The following WDPCP variants were observed in gnomAD, a reference collection of about 807,000 sequenced individuals.
The protein encoded by WDPCP is WD repeat containing planar cell polarity effector.
In WDPCP, 71 loss-of-function variants were observed where a neutral mutation model predicts 93.1. The observed-to-expected ratio is 0.76, with a 90% confidence interval of 0.63 to 0.93. The LOEUF is 0.93. Ranked by LOEUF, WDPCP falls within the 40% of genes least tolerant of loss-of-function variation. The pLI, the probability that WDPCP is intolerant of heterozygous loss-of-function variation, is 0.00. For synonymous variants in WDPCP, 315 were observed against 315.0 expected, an observed-to-expected ratio of 1.00 and a Z score of 0.00; for missense variants, 844 against 887.4, an observed-to-expected ratio of 0.95 and a Z score of 0.62.
chr2:63,533,538 A>G (rs1704028328), intron 1 of WDPCP, among the ~76,000 whole-genome samples: 1 of 152,212 alleles, frequency 6.6e-6, no homozygotes, highest in African/African-American at 2.4e-5. Flanking sequence ...ATCAAATTAG[A>G]ACTCAGGATT....
intron 17 of WDPCP, among the ~76,000 whole-genome samples, chr2:63,126,104 T>C (rs1669883767): frequency 2.0e-5 from 3 of 151,766 alleles, no homozygotes; most frequent in Non-Finnish European, 4.4e-5. Flanking sequence ...CAGGCTATTT[T>C]TGTATTTTTT....
At chr2:63,359,197 A>G (rs1345947112) in intron 12 of WDPCP, among the ~76,000 whole-genome samples, 2 of 152,020 alleles carry the variant, frequency 1.3e-5, no homozygotes, top group Non-Finnish European at 2.9e-5. Context: ...CAATCACAAC[A>G]TTCTAGTTCC....
rs146873617 is a variant in WDPCP, at chr2:63,326,915, C to T, written c.1749-13604G>A. On this transcript the variant is annotated intron_variant, in intron 12 of 17. Coordinates refer to ENST00000272321, the MANE Select transcript of WDPCP (RefSeq NM_015910.7). ...ATAATTGAAGGTCTTCTCTGTAACC[C>T]TGTAACAACACTCCAATACCACCTT... Among the ~76,000 whole-genome samples, 448 of 152,326 alleles carry T rather than the reference C, an allele frequency of 2.9e-3. 1 individual carries two copies. The highest frequency in any genetic ancestry group is 4.9e-3 in the Non-Finnish European group (334 of 68,036).
At chr2:63,206,746 T>A (rs186170973) in intron 14 of WDPCP, among the ~76,000 whole-genome samples, 23 of 152,286 alleles carry the variant, frequency 1.5e-4, no homozygotes, top group African/African-American at 5.1e-4. Context: ...TATATTTTTA[T>A]TTGTTTTGGG....
chr2:63,683,502 T>C (rs549735643), intron 2 of WDPCP, among the ~76,000 whole-genome samples: 1 of 152,216 alleles, frequency 6.6e-6, no homozygotes, highest in African/African-American at 2.4e-5. Flanking sequence ...TCACATTATA[T>C]TTATCATAAT....
chr2:63,551,993 A>G (rs1244164258), intron 1 of WDPCP, among the ~76,000 whole-genome samples: 2 of 128,524 alleles, frequency 1.6e-5, no homozygotes, highest in African/African-American at 6.2e-5. Context: ...GGGTCTCACT[A>G]TGTTGCCCAG....
chr2:63,753,335 G>A (rs1669910828), intron 2 of WDPCP, among the ~76,000 whole-genome samples: 1 of 152,076 alleles, frequency 6.6e-6, no homozygotes, highest in African/African-American at 2.4e-5. Context: ...AGGCTGAGGT[G>A]GAAGGATCAC....
chr2:63,491,322 CTGTT>C (rs1319858456), intron 2 of WDPCP, among the ~76,000 whole-genome samples: 11 of 152,100 alleles, frequency 7.2e-5, no homozygotes, highest in African/African-American at 2.4e-4. Flanking sequence ...CCTTAGTTCT[CTGTT>C]TGTATTTACA....
chr2:63,167,051 T>C (rs1241420451), intron 15 of WDPCP, among the ~76,000 whole-genome samples: 1 of 152,242 alleles, frequency 6.6e-6, no homozygotes, highest in African/African-American at 2.4e-5. Context: ...ATGTGAAGTT[T>C]GTCATTCTGT....
intron 2 of WDPCP, among the ~76,000 whole-genome samples, chr2:63,763,843 C>T (rs1016734501): frequency 2.6e-5 from 4 of 152,178 alleles, no homozygotes; most frequent in Middle Eastern, 6.8e-3. Flanking sequence ...ATCCAGCTGG[C>T]TTCAAACGGT....
chr2:63,386,019 T>C (rs1411506705), intron 10 of WDPCP, among the ~76,000 whole-genome samples: 2 of 152,022 alleles, frequency 1.3e-5, no homozygotes, highest in Non-Finnish European at 2.9e-5. Context: ...AATAAATATT[T>C]ATATTAAAAA....
chr2:63,494,437 A>T (rs1701093959), intron 1 of WDPCP, among the ~76,000 whole-genome samples: 1 of 152,142 alleles, frequency 6.6e-6, no homozygotes, highest in African/African-American at 2.4e-5. Flanking sequence ...CTACTCTTTG[A>T]GGTAATACCA....
At chr2:63,779,174 C>G (rs867853307) in intron 2 of WDPCP, among the ~76,000 whole-genome samples, 1 of 152,146 alleles carries the variant, frequency 6.6e-6, no homozygotes, top group African/African-American at 2.4e-5. Flanking sequence ...AGGTTCAAAA[C>G]TAAGCAACAA....
chr2:63,511,642 T>C (rs184047562), intron 1 of WDPCP, among the ~76,000 whole-genome samples: 2 of 152,286 alleles, frequency 1.3e-5, no homozygotes, highest in Middle Eastern at 3.4e-3. Flanking sequence ...AAACAAGCAA[T>C]GGGGAAAGGA....
intron 2 of WDPCP, among the ~76,000 whole-genome samples, chr2:63,491,042 C>CT (rs1401713989): frequency 6.6e-6 from 1 of 152,060 alleles, no homozygotes; most frequent in East Asian, 1.9e-4. Flanking sequence ...TTTGGGATTT[C>CT]TTTTTTCTAT....
intron 6 of WDPCP, among the ~76,000 whole-genome samples, chr2:63,462,079 A>G (rs1307432021): frequency 1.3e-5 from 2 of 152,258 alleles, no homozygotes; most frequent in Non-Finnish European, 2.9e-5. Context: ...TATTCACAAT[A>G]GCAAAGACTT....
intron 13 of WDPCP, among the ~76,000 whole-genome samples, chr2:63,290,176 G>T (rs1477658757): frequency 6.6e-6 from 1 of 151,270 alleles, no homozygotes; most frequent in Non-Finnish European, 1.5e-5. Context: ...CTTTTGGATT[G>T]AATATTTTAA....
chr2:63,799,735 T>G (rs975908510), intron 2 of WDPCP, among the ~76,000 whole-genome samples: 2 of 152,184 alleles, frequency 1.3e-5, no homozygotes, highest in African/African-American at 4.8e-5. Flanking sequence ...TGTTAAGAAA[T>G]AGGCTGAAAG....
intron 1 of WDPCP, among the ~76,000 whole-genome samples, chr2:63,585,623 A>G (rs995104225): frequency 2.0e-5 from 3 of 152,278 alleles, no homozygotes; most frequent in Admixed American, 2.0e-4. Context: ...ACAGACAGCA[A>G]TGTAAAGGCA....
Sources: gnomAD v4.1 joint callset for allele counts (sites outside exome capture counted in the v4.1 genomes callset) on GRCh38, gnomAD v4.1.1 for gene constraint, MANE v1.5 for transcripts, NCBI Gene and HGNC (gene_info 2026-07-23, HGNC 2026-07-21) for gene names.